The following PRP4K variants were observed in gnomAD, a reference collection of about 807,000 sequenced individuals.
PRP4K encodes serine/threonine-protein kinase PRP4 homolog.
the PRP4K span, chr6:4,063,959 A>T: frequency 1.3e-5 from 2 of 152,146 alleles, no homozygotes; most frequent in African/African-American, 2.4e-5. Context: ...GCTCTCAAAG[A>T]TGTTACAGTT....
the PRP4K span, among the ~76,000 whole-genome samples, chr6:4,054,265 A>C: frequency 6.6e-6 from 1 of 152,084 alleles, no homozygotes; most frequent in Non-Finnish European, 1.5e-5. Flanking sequence ...TTAATCAATA[A>C]CTAAGCTATT....
chr6:4,032,376 G>A, the PRP4K span: 29 of 1,614,022 alleles, frequency 1.8e-5, no homozygotes, highest in Non-Finnish European at 2.3e-5. Context: ...TAGAAGTCGC[G>A]ATCGAGGTAA....
the PRP4K span, chr6:4,043,748 G>C: frequency 1.4e-6 from 2 of 1,465,254 alleles, no homozygotes; most frequent in Non-Finnish European, 1.9e-6. Context: ...GCAACTCTTA[G>C]CCATGAATGT....
the PRP4K span, chr6:4,042,469 T>C: frequency 2.5e-6 from 4 of 1,576,816 alleles, no homozygotes; most frequent in Non-Finnish European, 3.5e-6. Context: ...CTTAAGGGTG[T>C]TTGAATTTTT....
the PRP4K span, among the ~76,000 whole-genome samples, chr6:4,025,776 T>C: frequency 5.3e-5 from 8 of 152,318 alleles, no homozygotes; most frequent in Non-Finnish European, 8.8e-5. Flanking sequence ...TGTAAATTGT[T>C]AGCATTAGAA....
At chr6:4,049,033 C>T in the PRP4K span, 42 of 1,612,464 alleles carry the variant, frequency 2.6e-5, no homozygotes, top group African/African-American at 1.5e-4. Flanking sequence ...GTCTTCGGGC[C>T]GCTGGCATTG....
chr6:4,047,475 A>G, the PRP4K span, among the ~76,000 whole-genome samples: 4 of 152,242 alleles, frequency 2.6e-5, no homozygotes, highest in Non-Finnish European at 5.9e-5. Context: ...ATAAAAGTCA[A>G]ACACCAAATG....
the PRP4K span, among the ~76,000 whole-genome samples, chr6:4,035,511 T>C: frequency 6.6e-6 from 1 of 151,832 alleles, no homozygotes; most frequent in Non-Finnish European, 1.5e-5. Context: ...AATAAAAGAG[T>C]TTCCTCAGAT....
At chr6:4,021,995 C>A in the PRP4K span, among the ~76,000 whole-genome samples, 1 of 152,150 alleles carries the variant, frequency 6.6e-6, no homozygotes, top group Non-Finnish European at 1.5e-5. Flanking sequence ...CAGAGCTAGT[C>A]TGTGGCTAGC....
At chr6:4,044,156 T>A in the PRP4K span, 1 of 720,754 alleles carries the variant, frequency 1.4e-6, no homozygotes, top group Non-Finnish European at 2.3e-6. Flanking sequence ...AATATTGCAG[T>A]AATATAATAT....
the PRP4K span, among the ~76,000 whole-genome samples, chr6:4,039,596 T>C: frequency 1.3e-5 from 2 of 152,162 alleles, no homozygotes; most frequent in African/African-American, 4.8e-5. Flanking sequence ...TCCTCAGCTC[T>C]TACCTCACAC....
At chr6:4,030,198 C>T in the PRP4K span, among the ~76,000 whole-genome samples, 1 of 152,182 alleles carries the variant, frequency 6.6e-6, no homozygotes, top group Admixed American at 6.5e-5. Context: ...CCACCTTGGC[C>T]TCCCAAAGTG....
At chr6:4,052,169 C>T in the PRP4K span, 2 of 1,431,858 alleles carry the variant, frequency 1.4e-6, no homozygotes, top group Non-Finnish European at 1.9e-6. Context: ...TGGATAAATG[C>T]TGTAACAGAT....
chr6:4,052,627 T>G, the PRP4K span: 1 of 1,042,914 alleles, frequency 9.6e-7, no homozygotes, highest in African/African-American at 1.6e-5. Flanking sequence ...CGCTTGATTT[T>G]ACTTTATGCT....
the PRP4K span, among the ~76,000 whole-genome samples, chr6:4,028,370 GTTAA>G: frequency 6.6e-6 from 1 of 151,898 alleles, no homozygotes. Context: ...GCCATACCCA[GTTAA>G]TTTAAATTTT....
chr6:4,052,572 A>T, the PRP4K span: 2 of 614,416 alleles, frequency 3.3e-6, no homozygotes, highest in South Asian at 4.7e-5. Flanking sequence ...TCAATATAAA[A>T]TGATTTATCA....
At chr6:4,058,012 TTTG>T in the PRP4K span, among the ~76,000 whole-genome samples, 75 of 152,218 alleles carry the variant, frequency 4.9e-4, no homozygotes, top group African/African-American at 1.7e-3. Flanking sequence ...TCAGTTGTGT[TTTG>T]TTGTTGTTGT....
At chr6:4,058,872 C>A in the PRP4K span, 3 of 1,301,502 alleles carry the variant, frequency 2.3e-6, no homozygotes, top group Non-Finnish European at 3.2e-6. Context: ...AGTACTAAAT[C>A]ATACGAGCTG....
the PRP4K span, among the ~76,000 whole-genome samples, chr6:4,036,297 C>G: frequency 6.6e-6 from 1 of 152,158 alleles, no homozygotes; most frequent in Non-Finnish European, 1.5e-5. Context: ...TCTCTGCTCA[C>G]TGCAACCTCT....
Sources: gnomAD v4.1 joint callset for allele counts (sites outside exome capture counted in the v4.1 genomes callset) on GRCh38, gnomAD v4.1.1 for gene constraint, MANE v1.5 for transcripts, NCBI Gene and HGNC (gene_info 2026-07-23, HGNC 2026-07-21) for gene names.